CD226: variants seen among roughly 807,000 people sequenced by gnomAD.
CD226 encodes the protein CD226 antigen.
CD226 carries 24 observed loss-of-function variants against 34.9 expected under a neutral mutation model. The ratio of observed to expected loss-of-function variants is 0.69; its 90% CI spans 0.50 to 0.97. The LOEUF is 0.97. Ranked by LOEUF, CD226 falls within the 50% of genes least tolerant of loss-of-function variation. CD226 has a pLI of 0.00. For synonymous variants in CD226, 148 were observed against 147.4 expected (o/e 1.00, Z -0.03); for missense variants, 397 against 412.7 (o/e 0.96, Z 0.33).
rs961486446 is a variant in CD226, at chr18:69,863,380, A to G, written c.*934T>C. 4 of 152,208 alleles carry G rather than the reference A, an allele frequency of 2.6e-5. No homozygotes were observed. The highest frequency in any genetic ancestry group is 5.9e-5 in the Non-Finnish European group (4 of 68,028). The allele number at this position is 152,208 out of a possible 1,614,324, so 9.4% of individuals were successfully genotyped here. A position where few individuals can be genotyped will look rare whatever the true frequency, so the allele number is the denominator to read the frequency against. On this transcript the variant is annotated 3_prime_UTR_variant, in exon 6 of 6. Transcript: ENST00000582621. The stretch of plus-strand genomic sequence containing the variant: ...ACATTAAGTTATTTATTATTCGACT[A>G]TCTACTACATTTGCTCCTAAGGCTA...
At position 69,862,424 on chromosome 18, in the gene CD226, A is replaced by AGTAGAGTGCTTTCT. The variant is rs1982876239; in HGVS notation, c.*1876_*1889dup. 6.6e-6 allele frequency: 1 copy of AGTAGAGTGCTTTCT among 152,202 alleles called. No homozygotes were observed. The highest frequency in any genetic ancestry group is 2.4e-5 in the African/African-American group (1 of 41,478). The allele number at this position is 152,202 out of a possible 1,614,324, so 9.4% of individuals were successfully genotyped here. A position where few individuals can be genotyped will look rare whatever the true frequency, so the allele number is the denominator to read the frequency against. On this transcript the variant is annotated 3_prime_UTR_variant, in exon 6 of 6. Transcript: ENST00000582621. ...TCACAGAATCTTTGATTGATCTGAT[A>AGTAGAGTGCTTTCT]GTAGAGTGCTTTCTTGTAAACTGCC...
At chr18:69,875,139 A>T (rs566624558) in intron 3 of CD226, among the ~76,000 whole-genome samples, 42 of 151,936 alleles carry the variant, frequency 2.8e-4, no homozygotes, top group Admixed American at 2.1e-3. Context: ...ATTTTATTTT[A>T]ATTTTATTTT....
intron 2 of CD226, among the ~76,000 whole-genome samples, chr18:69,903,440 T>C (rs2145266981): frequency 6.6e-6 from 1 of 152,222 alleles, no homozygotes; most frequent in Admixed American, 6.5e-5. Context: ...AAAGCTGCAA[T>C]GTTCCCAGAT....
chr18:69,887,193 G>C (rs1475912366), intron 3 of CD226, among the ~76,000 whole-genome samples: 1 of 152,196 alleles, frequency 6.6e-6, no homozygotes, highest in African/African-American at 2.4e-5. Context: ...CATATGGTAA[G>C]TGTGGTTATA....
upstream of CD226, among the ~76,000 whole-genome samples, chr18:69,950,135 C>T (rs1466342784): frequency 2.0e-5 from 3 of 150,566 alleles, no homozygotes; most frequent in African/African-American, 7.3e-5. Flanking sequence ...CACACAATCT[C>T]ACACAATCAC....
chr18:69,857,942 A>C lies in CD226; in HGVS notation c.*6372T>G, dbSNP rs146606110. The C allele has an allele frequency of 6.6e-6, 1 of 152,350 alleles. No homozygotes were observed. Among genetic ancestry groups the C allele is most frequent in the East Asian group, 1.9e-4 (1 of 5,186 alleles). The allele number at this position is 152,350 out of a possible 1,614,324, so 9.4% of individuals were successfully genotyped here. A position where few individuals can be genotyped will look rare whatever the true frequency, so the allele number is the denominator to read the frequency against. ...TTTGGAGGTAGTATGTTACCAAAAA[A>C]AATGGTAGTTCTTGTAAAGGTATAC... On this transcript the variant is annotated 3_prime_UTR_variant, in exon 6 of 6. Transcript: ENST00000582621.
rs1983631644 is a variant in CD226, at chr18:69,873,030, C to T, written c.830+114G>A. 4.2e-6 allele frequency: 3 copies of T among 715,536 alleles called. No individual in the cohort carries two copies. In the South Asian group the frequency reaches 4.4e-5, roughly 11 times the overall value. The allele number at this position is 715,536 out of a possible 1,614,324, so 44.3% of individuals were successfully genotyped here. On this transcript the variant is annotated intron_variant, in intron 4 of 5. Coordinates refer to ENST00000582621, the MANE Select transcript of CD226 (RefSeq NM_001303618.2). The stretch of plus-strand genomic sequence containing the variant: ...CTACTTCTCCTCCTTTGTGTTAGAA[C>T]AGTACTCACAAAAATATATATGTGA...
upstream of CD226, among the ~76,000 whole-genome samples, chr18:69,948,523 C>T (rs936418847): frequency 3.9e-5 from 6 of 152,152 alleles, no homozygotes; most frequent in African/African-American, 1.2e-4. Flanking sequence ...GTGTCGACTA[C>T]TCAGCATGAA....
chr18:69,949,726 C>T (rs549909930), upstream of CD226, among the ~76,000 whole-genome samples: 1 of 152,144 alleles, frequency 6.6e-6, no homozygotes, highest in East Asian at 1.9e-4. Context: ...CTCTAACACA[C>T]ATTCACACAC....
At chr18:69,874,247 C>T (rs1983726767) in intron 3 of CD226, among the ~76,000 whole-genome samples, 1 of 152,190 alleles carries the variant, frequency 6.6e-6, no homozygotes, top group East Asian at 1.9e-4. Context: ...CAAGAACAAT[C>T]AACTGCGATT....
intron 2 of CD226, among the ~76,000 whole-genome samples, chr18:69,926,519 G>A (rs2055523896): frequency 6.6e-6 from 1 of 152,126 alleles, no homozygotes; most frequent in Admixed American, 6.5e-5. Context: ...AGGAGGGCAG[G>A]AGCTATAATA....
rs565888720 is a variant in CD226, at chr18:69,858,135, C to T, written c.*6179G>A. 5 of 152,214 alleles carry T rather than the reference C, an allele frequency of 3.3e-5. No individual in the cohort carries two copies. Among genetic ancestry groups the T allele is most frequent in the Admixed American group, 1.3e-4 (2 of 15,282 alleles). 9.4% of individuals were successfully genotyped at this position (152,214 alleles called of 1,614,324 possible). A position where few individuals can be genotyped will look rare whatever the true frequency, so the allele number is the denominator to read the frequency against. On this transcript the variant is annotated 3_prime_UTR_variant, in exon 6 of 6. Coordinates refer to ENST00000582621, the MANE Select transcript of CD226 (RefSeq NM_001303618.2). ...ACTATCGGCCATTATTGCAAAACTG[C>T]CAACTGAGAATATTGATATAGATAC... is the stretch of plus-strand genomic sequence containing the variant.
intron 2 of CD226, among the ~76,000 whole-genome samples, chr18:69,944,799 A>G (rs1450387986): frequency 6.6e-6 from 1 of 152,258 alleles, no homozygotes; most frequent in Non-Finnish European, 1.5e-5. Flanking sequence ...TCTACATACA[A>G]CAGCAAATGA....
chr18:69,955,130 G>A (rs183448690), intron 1 of CD226, among the ~76,000 whole-genome samples: 6 of 152,170 alleles, frequency 3.9e-5, no homozygotes, highest in East Asian at 3.9e-4. Flanking sequence ...GGGTGGGGAC[G>A]GGGAACACTC....
chr18:69,923,619 A>G (rs1257476256), intron 2 of CD226, among the ~76,000 whole-genome samples: 1 of 152,236 alleles, frequency 6.6e-6, no homozygotes, highest in African/African-American at 2.4e-5. Context: ...GACAACCTCG[A>G]TAGAAGTGAC....
intron 2 of CD226, among the ~76,000 whole-genome samples, chr18:69,926,307 T>G (rs912271642): frequency 6.6e-6 from 1 of 152,108 alleles, no homozygotes; most frequent in African/African-American, 2.4e-5. Context: ...CCTTTGCACT[T>G]GCTATTCCTA....
At chr18:69,903,020 A>G (rs566560824) in intron 2 of CD226, among the ~76,000 whole-genome samples, 34 of 152,326 alleles carry the variant, frequency 2.2e-4, no homozygotes, top group South Asian at 1.2e-3. Flanking sequence ...TAAAGTTCTC[A>G]AAAATAAGCA....
chr18:69,901,594 T>A (rs1034446899), intron 2 of CD226, among the ~76,000 whole-genome samples: 5 of 150,490 alleles, frequency 3.3e-5, no homozygotes, highest in Admixed American at 6.7e-5. Context: ...AAAGTATTTA[T>A]TTGTGCCCGG....
chr18:69,861,561 T>TATATATATATATATATAC lies in CD226; in HGVS notation c.*2752_*2753insGTATATATATATATATAT, dbSNP rs1411192835. ...ATATGTGTATATATATATGTATATA[T>TATATATATATATATATAC]ATATATATATATGTAAAACTTAAGA... On this transcript the variant is annotated 3_prime_UTR_variant, in exon 6 of 6. Transcript: ENST00000582621. 1 of 145,430 alleles carries TATATATATATATATATAC rather than the reference T, an allele frequency of 6.9e-6. No homozygotes were observed. The highest frequency in any genetic ancestry group is 6.9e-5 in the Admixed American group (1 of 14,480). 9.0% of individuals were successfully genotyped at this position (145,430 alleles called of 1,614,324 possible). A position where few individuals can be genotyped will look rare whatever the true frequency, so the allele number is the denominator to read the frequency against.
Sources: gnomAD v4.1 joint callset for allele counts (sites outside exome capture counted in the v4.1 genomes callset) on GRCh38, gnomAD v4.1.1 for gene constraint, MANE v1.5 for transcripts, NCBI Gene and HGNC (gene_info 2026-07-23, HGNC 2026-07-21) for gene names.